KIF16B: variants seen among roughly 807,000 people sequenced by gnomAD.
KIF16B encodes the protein kinesin family member 16B.
A neutral mutation model predicts 156.3 loss-of-function variants in KIF16B; 98 were observed. That is an observed-to-expected ratio of 0.63 (90% CI 0.53 to 0.74). KIF16B has a LOEUF of 0.74. Ranked by LOEUF, KIF16B falls within the 30% of genes least tolerant of loss-of-function variation. The pLI is 0.00. For synonymous variants in KIF16B, 564 were observed against 583.7 expected, an observed-to-expected ratio of 0.97 and a Z score of 0.49; for missense variants, 1,421 against 1,606.5, an observed-to-expected ratio of 0.88 and a Z score of 1.97.
chr20:16,296,780 G>C (rs2063393306), intron 25 of KIF16B, among the ~76,000 whole-genome samples: 1 of 152,196 alleles, frequency 6.6e-6, no homozygotes, highest in Non-Finnish European at 1.5e-5. Context: ...TGTTAGATTG[G>C]CTGGGCCATG....
chr20:16,519,508 C>T (rs2069258182), intron 3 of KIF16B, among the ~76,000 whole-genome samples: 2 of 152,202 alleles, frequency 1.3e-5, no homozygotes, highest in African/African-American at 4.8e-5. Flanking sequence ...AAGCCAACTT[C>T]CTCCACAAAC....
chr20:16,411,997 T>C (rs1402523462), intron 15 of KIF16B, among the ~76,000 whole-genome samples: 2 of 149,922 alleles, frequency 1.3e-5, no homozygotes, highest in Non-Finnish European at 1.5e-5. Context: ...AATGAAACTA[T>C]AGGAGTAGGA....
intron 17 of KIF16B, among the ~76,000 whole-genome samples, chr20:16,385,499 C>G (rs2065208430): frequency 6.6e-6 from 1 of 152,136 alleles, no homozygotes; most frequent in East Asian, 1.9e-4. Context: ...GTTCTGAGAC[C>G]ATGAACAAGT....
At chr20:16,376,908 C>T (rs570300633) in intron 19 of KIF16B, among the ~76,000 whole-genome samples, 2 of 152,246 alleles carry the variant, frequency 1.3e-5, no homozygotes, top group South Asian at 4.1e-4. Context: ...TTTTTTTAAA[C>T]CTCCAACCTA....
chr20:16,431,357 T>C (rs943209381), intron 12 of KIF16B, among the ~76,000 whole-genome samples: 4 of 152,190 alleles, frequency 2.6e-5, no homozygotes, highest in African/African-American at 9.7e-5. Context: ...TACCAAATTC[T>C]ACCTGATCTC....
At position 16,521,102 on chromosome 20, in the gene KIF16B, G is replaced by A. The variant is rs192976989; in HGVS notation, c.231+4990C>T. On this transcript the variant is annotated intron_variant, in intron 3 of 25. Coordinates refer to ENST00000354981, the MANE Select transcript of KIF16B (RefSeq NM_024704.5). The stretch of plus-strand genomic sequence containing the variant: ...GGCTGAAAATTCCAAAAACCAGAAC[G>A]ACTCCTCTCCTCCAAAGAATTACAA... 5.3e-4 allele frequency among the ~76,000 whole-genome samples: 81 copies of A among 152,164 alleles called. 1 individual carries two copies. The highest frequency in any genetic ancestry group is 5.2e-3 in the Admixed American group (79 of 15,278).
rs113405037 is a variant in KIF16B at position 16,429,069 on chromosome 20, T to C, written c.1423-65A>G. ...GAAGGAATAGCTTGTTTCTTCATTT[T>C]TCATTGAAGCCCAAACAACATAGTG... On this transcript the variant is annotated intron_variant, in intron 13 of 25. Transcript: ENST00000354981. The C allele has an allele frequency of 2.1e-4, 281 of 1,369,284 alleles. 4 individuals carry two copies. In the African/African-American group the frequency reaches 2.5e-3, roughly 12 times the overall value. The allele number at this position is 1,369,284 out of a possible 1,614,324, so 84.8% of individuals were successfully genotyped here.
intron 1 of KIF16B, among the ~76,000 whole-genome samples, chr20:16,568,449 C>A (rs1402107439): frequency 2.6e-5 from 4 of 152,186 alleles, no homozygotes; most frequent in African/African-American, 4.8e-5. Flanking sequence ...GGAGCCCCTG[C>A]TGAATGCCAG....
intron 24 of KIF16B, among the ~76,000 whole-genome samples, chr20:16,326,399 G>A (rs748579877): frequency 6.6e-6 from 1 of 151,106 alleles, no homozygotes; most frequent in Non-Finnish European, 1.5e-5. Context: ...TGCAAACTAT[G>A]TATTCGACAA....
chr20:16,381,058 T>C (rs2144894), intron 18 of KIF16B, among the ~76,000 whole-genome samples: 1 of 152,100 alleles, frequency 6.6e-6, no homozygotes, highest in Non-Finnish European at 1.5e-5. Context: ...CTAACTCTCA[T>C]CTTTGGTCTA....
chr20:16,500,157 C>G (rs1201473937), intron 10 of KIF16B, among the ~76,000 whole-genome samples: 1 of 152,154 alleles, frequency 6.6e-6, no homozygotes, highest in East Asian at 1.9e-4. Flanking sequence ...ATACATAAAT[C>G]TAAGGTCCAC....
At chr20:16,503,334 T>C (rs183649159) in intron 10 of KIF16B, among the ~76,000 whole-genome samples, 13 of 152,348 alleles carry the variant, frequency 8.5e-5, no homozygotes, top group Non-Finnish European at 1.6e-4. Flanking sequence ...ACTTCCACCA[T>C]AGAGCAAAAT....
chr20:16,273,403 G>C lies in KIF16B; in HGVS notation c.3804C>G (p.Leu1268=), dbSNP rs1034930484. The change falls in exon 26 of 26, where the codon CTC becomes CTG. Residue 1268 remains leucine, a synonymous_variant. Transcript: ENST00000354981. ...AERRSHLEKY[L]RDFFSVMLQS... Reference sequence around the variant, plus strand: ...GGAGCATCACGCTGAAAAAGTCCCTGAGGTATTTCTGTGGAAGAGACAAGA... The same window carrying C: ...GGAGCATCACGCTGAAAAAGTCCCTCAGGTATTTCTGTGGAAGAGACAAGA... 1.2e-6 allele frequency: 2 copies of C among 1,614,074 alleles called. No individual in the cohort carries two copies. Among genetic ancestry groups the C allele is most frequent in the Middle Eastern group, 1.6e-4 (1 of 6,062 alleles).
intron 1 of KIF16B, among the ~76,000 whole-genome samples, chr20:16,566,217 C>A (rs182530767): frequency 1.6e-3 from 243 of 152,344 alleles, no homozygotes; most frequent in Non-Finnish European, 1.5e-3. Flanking sequence ...TGCCCAGAAT[C>A]CAATCGCCAT....
At chr20:16,545,596 C>T (rs2070376535) in intron 1 of KIF16B, among the ~76,000 whole-genome samples, 1 of 152,130 alleles carries the variant, frequency 6.6e-6, no homozygotes, top group Non-Finnish European at 1.5e-5. Context: ...ACCCGGGAGG[C>T]AGAGGTTGTA....
Position 16,494,333 on chromosome 20 carries a change from C to T in KIF16B, c.1260G>A (p.Lys420=), listed in dbSNP as rs2068384498. The change falls in exon 12 of 26, where the codon AAG becomes AAA. Residue 420 remains lysine (K), a synonymous_variant. Coordinates refer to ENST00000354981, the MANE Select transcript of KIF16B (RefSeq NM_024704.5). ...QNEARVQELT[K]EWTNKWNETQ... The stretch of plus-strand genomic sequence containing the variant: ...TTTCATTCCACTTATTTGTCCATTC[C>T]TTGGTCAATTCTTGAACCTGAAAAG... 6.3e-7 allele frequency: 1 copy of T among 1,599,482 alleles called. No individual in the cohort carries two copies. Among genetic ancestry groups the T allele is most frequent in the African/African-American group, 1.3e-5 (1 of 74,190 alleles).
At chr20:16,385,723 G>C (rs2065215099) in intron 17 of KIF16B, among the ~76,000 whole-genome samples, 1 of 152,150 alleles carries the variant, frequency 6.6e-6, no homozygotes, top group South Asian at 2.1e-4. Flanking sequence ...GGCAGCTGTA[G>C]CAGTGCTGGT....
At chr20:16,354,508 ACAC>A (rs1487311797) in intron 23 of KIF16B, among the ~76,000 whole-genome samples, 33 of 149,662 alleles carry the variant, frequency 2.2e-4, no homozygotes, top group African/African-American at 6.6e-4. Context: ...ACACACACAC[ACAC>A]AATTTAGAAT....
intron 15 of KIF16B, among the ~76,000 whole-genome samples, chr20:16,409,649 A>G (rs1219228654): frequency 6.6e-6 from 1 of 151,868 alleles, no homozygotes; most frequent in Non-Finnish European, 1.5e-5. Flanking sequence ...AGAGAAGTAA[A>G]ACAAAACTGG....
Sources: gnomAD v4.1 joint callset for allele counts (sites outside exome capture counted in the v4.1 genomes callset) on GRCh38, gnomAD v4.1.1 for gene constraint, MANE v1.5 for transcripts, NCBI Gene and HGNC (gene_info 2026-07-23, HGNC 2026-07-21) for gene names.